TFRC: variants seen among roughly 807,000 people sequenced by gnomAD.
TFRC encodes the protein transferrin receptor, also known as transferrin receptor protein 1.
In TFRC, 35 loss-of-function variants were observed where a neutral mutation model predicts 85.8. That is an observed-to-expected ratio of 0.41 (90% CI 0.31 to 0.54). TFRC has a LOEUF of 0.54. Among genes scored for constraint, TFRC ranks in the 20% least tolerant of loss-of-function variants. The pLI is 0.31. For synonymous variants in TFRC, 362 were observed against 328.6 expected (o/e 1.10, Z -1.10); for missense variants, 828 against 921.5 (o/e 0.90, Z 1.31).
At chr3:196,067,769 C>T in intron 8 of TFRC, 112 bp from the exon 9 acceptor site, 1 of 1,260,376 alleles carries the variant, frequency 7.9e-7, no homozygotes, top group Non-Finnish European at 1.1e-6. Flanking sequence ...AACTTGAAGC[C>T]TCAAAAATCT....
intron 6 of TFRC, among the ~76,000 whole-genome samples, chr3:196,070,776 A>ATAG (rs1718124986): frequency 8.3e-6 from 1 of 120,548 alleles, no homozygotes; most frequent in South Asian, 3.3e-4. Context: ...TCTCTACCAA[A>ATAG]TAATAATAAT....
chr3:196,071,318 T>C (rs1718183354), intron 6 of TFRC, 78 bp downstream of exon 6: 4 of 1,374,654 alleles, frequency 2.9e-6, no homozygotes, highest in Non-Finnish European at 4.1e-6. Flanking sequence ...GGTAAATTTA[T>C]AACTCCTAAG....
intron 16 of TFRC, among the ~76,000 whole-genome samples, chr3:196,057,425 C>G (rs1716890863): frequency 2.6e-5 from 4 of 152,154 alleles, no homozygotes; most frequent in Non-Finnish European, 5.9e-5. Flanking sequence ...GAATTGCTCA[C>G]TCGGGGAGCT....
rs1220201067 is a variant in TFRC at position 196,050,056 on chromosome 3, C to T, written c.*1886G>A. 8.6e-6 allele frequency: 2 copies of T among 231,472 alleles called. No homozygotes were observed. Among genetic ancestry groups the T allele is most frequent in the Non-Finnish European group, 1.7e-5 (2 of 117,002 alleles). The allele number at this position is 231,472 out of a possible 1,614,324, so 14.3% of individuals were successfully genotyped here. A position where few individuals can be genotyped will look rare whatever the true frequency, so the allele number is the denominator to read the frequency against. On this transcript the variant is annotated 3_prime_UTR_variant, in exon 19 of 19. Coordinates refer to ENST00000360110, the MANE Select transcript of TFRC (RefSeq NM_001128148.3). ...TGGGTAGGCAGACGTGTCAGACCTT[C>T]AGGGGACTCTCCTTCCCCACAGCCC...
intron 18 of TFRC, 81 bp downstream of exon 18, chr3:196,053,337 T>C (rs866765448): frequency 5.1e-5 from 77 of 1,500,806 alleles, no homozygotes; most frequent in Non-Finnish European, 1.0e-5. Flanking sequence ...ACTCCTAGAG[T>C]TTGTCCACTT....
intron 6 of TFRC, chr3:196,069,777 C>T (rs1412324138): frequency 2.2e-6 from 1 of 444,612 alleles, no homozygotes; most frequent in Non-Finnish European, 4.0e-6. Flanking sequence ...TTTTGGCCTC[C>T]TATGTCTTTC....
At position 196,064,033 on chromosome 3, in the gene TFRC, C is replaced by T. The variant is rs41295883; in HGVS notation, c.1318+276G>A. On this transcript the variant is annotated intron_variant, in intron 11 of 18. Transcript: ENST00000360110. The stretch of plus-strand genomic sequence containing the variant: ...AATAGATTGCTTAGGGACTATGATC[C>T]ACCTTATCACTCTGGATCCACCACA... Among the ~76,000 whole-genome samples the T allele has an allele frequency of 2.2e-4, 34 of 152,286 alleles. No individual in the cohort carries two copies. In the East Asian group the frequency reaches 6.0e-3, roughly 27 times the overall value.
chr3:196,055,236 A>C lies in TFRC; in HGVS notation c.1743T>G (p.Pro581=). Residue 581 remains proline (P), a synonymous_variant, in exon 17 of 19, where the codon CCT becomes CCG. Transcript: ENST00000360110. ...CTGCTCGTGCCACTTTGTTCAACTC[A>C]GGAATCCTCTCAATCAGTTCCTTAT... ...DTYKELIERI[P]ELNKVARAAA... The C allele has an allele frequency of 6.2e-7, 1 of 1,614,242 alleles. No individual in the cohort carries two copies. The highest frequency in any genetic ancestry group is 2.2e-5 in the East Asian group (1 of 44,892).
At chr3:196,073,051 A>AAACAAACAAAC (rs1553798526) in intron 4 of TFRC, among the ~76,000 whole-genome samples, 45 of 147,958 alleles carry the variant, frequency 3.0e-4, no homozygotes, top group Admixed American at 1.0e-3. Context: ...AAAAAAAAAA[A>AAACAAACAAAC]AAAAAAAAAC....
At chr3:196,074,259 T>A (rs1350473648) in intron 3 of TFRC, 134 bp from the exon 4 acceptor site, 1 of 755,812 alleles carries the variant, frequency 1.3e-6, no homozygotes, top group East Asian at 2.7e-5. Context: ...AAGTATATAA[T>A]GCATCTCAGT....
At chr3:196,078,816 C>T (rs1718924175) in intron 1 of TFRC, among the ~76,000 whole-genome samples, 1 of 151,206 alleles carries the variant, frequency 6.6e-6, no homozygotes, top group South Asian at 2.1e-4. Flanking sequence ...GTCTTGTTGC[C>T]TAGGCTGGAG....
At chr3:196,068,788 CATG>C (rs1717947468) in intron 7 of TFRC, among the ~76,000 whole-genome samples, 1 of 151,026 alleles carries the variant, frequency 6.6e-6, no homozygotes. Flanking sequence ...ATTAGCCAGG[CATG>C]GTGGTGGTGG....
chr3:196,061,124 C>T (rs370366311), intron 13 of TFRC, among the ~76,000 whole-genome samples: 1 of 152,168 alleles, frequency 6.6e-6, no homozygotes, highest in Non-Finnish European at 1.5e-5. Context: ...TTCTTTTTTA[C>T]CCCATTCCTG....
At position 196,060,200 on chromosome 3, in the gene TFRC, T is replaced by C; in HGVS notation, c.1516A>G (p.Ile506Val). Residue 506 changes from isoleucine to valine, a missense_variant, in exon 14 of 19, where the codon ATT becomes GTT. Ile to Val is a conservative substitution (Grantham distance 29). Transcript: ENST00000360110. Reference protein sequence around the residue: ...VSASPLLYTLIEKTMQNVKHP... With the variant: ...VSASPLLYTLVEKTMQNVKHP... ...CTCACATTTTGCATTGTTTTCTCAATAAGCGTATACAACAGTGGGCTGGCA... is the reference window on the plus strand; with the variant it reads ...CTCACATTTTGCATTGTTTTCTCAACAAGCGTATACAACAGTGGGCTGGCA... 6.2e-7 allele frequency: 1 copy of C among 1,614,048 alleles called. No homozygotes were observed. Among genetic ancestry groups the C allele is most frequent in the Non-Finnish European group, 8.5e-7 (1 of 1,179,938 alleles).
chr3:196,079,541 GGGAGGT>G (rs762826876), intron 1 of TFRC, among the ~76,000 whole-genome samples: 12 of 151,420 alleles, frequency 7.9e-5, no homozygotes, highest in South Asian at 6.3e-4. Flanking sequence ...TTGAACCTGG[GGGAGGT>G]GGAGGTTGCA....
intron 9 of TFRC, among the ~76,000 whole-genome samples, chr3:196,066,681 T>C (rs948918741): frequency 2.0e-5 from 3 of 152,172 alleles, no homozygotes; most frequent in African/African-American, 7.2e-5. Context: ...GCGTTATCAA[T>C]AGTCATGGTA....
intron 7 of TFRC, 130 bp from the exon 8 acceptor site, chr3:196,068,260 ATTGT>A: frequency 1.7e-6 from 1 of 573,386 alleles, no homozygotes; most frequent in Non-Finnish European, 2.9e-6. Context: ...AATATTTCAA[ATTGT>A]TTATCTGGTA....
chr3:196,060,621 AC>A (rs1717194390), intron 13 of TFRC: 1 of 169,998 alleles, frequency 5.9e-6, no homozygotes, highest in African/African-American at 2.4e-5. Flanking sequence ...GCACAGTGAA[AC>A]CCCGTCTCTA....
intron 2 of TFRC, 24 bp downstream of exon 2, chr3:196,077,038 CAG>C (rs1718760165): frequency 1.9e-6 from 3 of 1,609,306 alleles, no homozygotes; most frequent in Non-Finnish European, 2.6e-6. Flanking sequence ...CTTGCAGACA[CAG>C]AAATACAACT....
Sources: gnomAD v4.1 joint callset for allele counts (sites outside exome capture counted in the v4.1 genomes callset) on GRCh38, gnomAD v4.1.1 for gene constraint, MANE v1.5 for transcripts, NCBI Gene and HGNC (gene_info 2026-07-23, HGNC 2026-07-21) for gene names.